FAM107B: variants seen among roughly 807,000 people sequenced by gnomAD.
FAM107B encodes protein FAM107B.
A neutral mutation model predicts 31.5 loss-of-function variants in FAM107B; 21 were observed. That is an observed-to-expected ratio of 0.67 (90% CI 0.47 to 0.96). The LOEUF is 0.96. Ranked by LOEUF, FAM107B falls within the 40% of genes least tolerant of loss-of-function variation. The probability of loss-of-function intolerance (pLI) is 0.00; values close to 1 mark genes in which losing one functional copy is unlikely to be tolerated. For synonymous variants in FAM107B, 157 were observed against 141.5 expected, an observed-to-expected ratio of 1.11 and a Z score of -0.78; for missense variants, 452 against 377.1, an observed-to-expected ratio of 1.20 and a Z score of -1.64.
At chr10:14,718,981 A>T (rs768763113) in intron 1 of FAM107B, among the ~76,000 whole-genome samples, 3 of 152,194 alleles carry the variant, frequency 2.0e-5, no homozygotes, top group Non-Finnish European at 4.4e-5. Context: ...ACTCAAAGAG[A>T]TGATAGGACA....
chr10:14,631,194 C>T (rs1192344861), intron 2 of FAM107B, among the ~76,000 whole-genome samples: 5 of 151,994 alleles, frequency 3.3e-5, no homozygotes, highest in Non-Finnish European at 5.9e-5. Flanking sequence ...AGTGCATATC[C>T]CCTGGCTGGG....
At chr10:14,694,226 A>G (rs1855212768) in intron 1 of FAM107B, among the ~76,000 whole-genome samples, 1 of 152,208 alleles carries the variant, frequency 6.6e-6, no homozygotes, top group African/African-American at 2.4e-5. Flanking sequence ...TCCCTTGGAT[A>G]TATGTCTAAC....
At chr10:14,649,051 C>T (rs1017283000) in intron 2 of FAM107B, among the ~76,000 whole-genome samples, 1 of 152,184 alleles carries the variant, frequency 6.6e-6, no homozygotes, top group Non-Finnish European at 1.5e-5. Context: ...GCTGAATGGA[C>T]CTCTCCTCTT....
chr10:14,677,095 T>C (rs1467374158), intron 1 of FAM107B, among the ~76,000 whole-genome samples: 1 of 152,080 alleles, frequency 6.6e-6, no homozygotes, highest in Non-Finnish European at 1.5e-5. Flanking sequence ...CCCCTTTCCC[T>C]CCTCTTTCTA....
intron 2 of FAM107B, among the ~76,000 whole-genome samples, chr10:14,578,731 A>G (rs1851540579): frequency 6.6e-6 from 1 of 152,248 alleles, no homozygotes; most frequent in African/African-American, 2.4e-5. Context: ...AAAGAAAAAC[A>G]GAACTATTTA....
At chr10:14,633,766 T>C (rs1171282560) in intron 2 of FAM107B, among the ~76,000 whole-genome samples, 1 of 152,230 alleles carries the variant, frequency 6.6e-6, no homozygotes, top group East Asian at 1.9e-4. Flanking sequence ...ACAACTTTTT[T>C]TCATAAGGCA....
At chr10:14,579,755 A>G (rs1851574832) in intron 2 of FAM107B, among the ~76,000 whole-genome samples, 1 of 152,332 alleles carries the variant, frequency 6.6e-6, no homozygotes, top group African/African-American at 2.4e-5. Context: ...AAAGTCATAC[A>G]TGTCTCATGC....
chr10:14,764,094 A>G lies in FAM107B; in HGVS notation c.411+10159T>C, dbSNP rs111548174. ...GCAGATGGGTGAGAGTGGTTTTACAAAAGAGATAACTTTGAATTAACTCTA... is the reference window on the plus strand; with the variant it reads ...GCAGATGGGTGAGAGTGGTTTTACAGAAGAGATAACTTTGAATTAACTCTA... On this transcript the variant is annotated intron_variant, in intron 1 of 4. Coordinates refer to ENST00000181796, the MANE Select transcript of FAM107B (RefSeq NM_031453.4). 8.7e-4 allele frequency among the ~76,000 whole-genome samples: 132 copies of G among 152,352 alleles called. 4 individuals carry two copies. Among genetic ancestry groups the G allele is most frequent in the African/African-American group, 3.1e-3 (129 of 41,580 alleles).
chr10:14,527,419 T>C (rs944410855), intron 3 of FAM107B, among the ~76,000 whole-genome samples: 9 of 152,230 alleles, frequency 5.9e-5, no homozygotes, highest in Admixed American at 2.6e-4. Context: ...AAGTTCTTGT[T>C]CTCAGCCTGT....
At chr10:14,610,257 G>A (rs1852694973) in intron 2 of FAM107B, among the ~76,000 whole-genome samples, 1 of 151,950 alleles carries the variant, frequency 6.6e-6, no homozygotes, top group African/African-American at 2.4e-5. Context: ...GCAGGAGAAT[G>A]GCATCAACCC....
chr10:14,720,671 T>A (rs1029155741), intron 1 of FAM107B, among the ~76,000 whole-genome samples: 2 of 152,192 alleles, frequency 1.3e-5, no homozygotes, highest in Non-Finnish European at 2.9e-5. Flanking sequence ...ACAGAATGGA[T>A]CCCTCAACAT....
chr10:14,744,274 T>C (rs1233911733), intron 1 of FAM107B, among the ~76,000 whole-genome samples: 2 of 152,178 alleles, frequency 1.3e-5, no homozygotes, highest in Non-Finnish European at 2.9e-5. Flanking sequence ...TTTTTAGATA[T>C]AGGATCATGT....
chr10:14,562,168 G>A (rs184388569), intron 2 of FAM107B, among the ~76,000 whole-genome samples: 5 of 152,320 alleles, frequency 3.3e-5, no homozygotes, highest in Non-Finnish European at 7.3e-5. Context: ...ATGTAATGAT[G>A]ATATTAACCA....
intron 2 of FAM107B, among the ~76,000 whole-genome samples, chr10:14,618,195 C>G (rs937077303): frequency 1.3e-5 from 2 of 152,200 alleles, no homozygotes; most frequent in Non-Finnish European, 2.9e-5. Context: ...TTTCACTTCA[C>G]AAGACGCTTT....
chr10:14,628,864 C>T (rs1382477393), intron 2 of FAM107B, among the ~76,000 whole-genome samples: 1 of 151,954 alleles, frequency 6.6e-6, no homozygotes, highest in African/African-American at 2.4e-5. Context: ...AAGACCCCAT[C>T]TCTATAAAAT....
intron 1 of FAM107B, among the ~76,000 whole-genome samples, chr10:14,691,003 T>C (rs937981813): frequency 6.6e-6 from 1 of 152,184 alleles, no homozygotes; most frequent in African/African-American, 2.4e-5. Flanking sequence ...CTGGGTTGTA[T>C]GACACGGTCT....
At chr10:14,550,609 G>A (rs1849166439) in intron 2 of FAM107B, among the ~76,000 whole-genome samples, 2 of 152,170 alleles carry the variant, frequency 1.3e-5, no homozygotes, top group Admixed American at 6.5e-5. Context: ...CACCTGATAC[G>A]AAGTCCACAT....
rs79600571 is a variant in FAM107B, at chr10:14,765,037, T to C, written c.411+9216A>G. 9.1e-3 allele frequency among the ~76,000 whole-genome samples: 1,382 copies of C among 152,282 alleles called. 19 individuals carry two copies. The highest frequency in any genetic ancestry group is 0.032 in the African/African-American group (1,326 of 41,550). The stretch of plus-strand genomic sequence containing the variant: ...AGGAACAACCAGGTCCTGGGCAGAT[T>C]GGTAGATTTTTCTCTGACAAGCTGG... On this transcript the variant is annotated intron_variant, in intron 1 of 4. Transcript: ENST00000181796.
chr10:14,613,612 A>C (rs886621335), intron 2 of FAM107B, among the ~76,000 whole-genome samples: 5 of 152,044 alleles, frequency 3.3e-5, no homozygotes, highest in African/African-American at 1.2e-4. Context: ...TTTCTCTCAA[A>C]TCTACATTTT....
Sources: allele counts gnomAD v4.1 joint callset (sites outside exome capture counted in the v4.1 genomes callset), GRCh38; gene constraint gnomAD v4.1.1; transcripts MANE v1.5; gene names NCBI Gene and HGNC (gene_info 2026-07-23, HGNC 2026-07-21).